The following MTCH2 variants were observed in gnomAD, a reference collection of about 807,000 sequenced individuals.
The protein encoded by MTCH2 is mitochondrial carrier 2.
A neutral mutation model predicts 50.6 loss-of-function variants in MTCH2; 25 were observed. The ratio of observed to expected loss-of-function variants is 0.49; its 90% CI spans 0.36 to 0.69. The LOEUF (loss-of-function observed/expected upper bound fraction) is 0.69, where lower values mean the gene tolerates loss of function less well. Ranked by LOEUF, MTCH2 falls within the 30% of genes least tolerant of loss-of-function variation. The probability of loss-of-function intolerance (pLI) is 0.00; values close to 1 mark genes in which losing one functional copy is unlikely to be tolerated. For missense variants in MTCH2, 273 were observed against 384.4 expected, an observed-to-expected ratio of 0.71 and a Z score of 2.42; for synonymous variants, 106 against 132.0, an observed-to-expected ratio of 0.80 and a Z score of 1.35.
At chr11:47,622,290 T>C (rs2097294006) in intron 12 of MTCH2, among the ~76,000 whole-genome samples, 1 of 152,120 alleles carries the variant, frequency 6.6e-6, no homozygotes, top group African/African-American at 2.4e-5. Flanking sequence ...AACAAGACTC[T>C]AGAAGTATAA....
intron 1 of MTCH2, among the ~76,000 whole-genome samples, chr11:47,642,168 C>A (rs2097314844): frequency 2.0e-5 from 3 of 152,122 alleles, no homozygotes; most frequent in Non-Finnish European, 4.4e-5. Context: ...AGGGCCTCAA[C>A]GCTGGGCGGC....
rs577883544 is a variant in MTCH2, at chr11:47,634,103, T to C, written c.369+569A>G. 5.3e-5 allele frequency among the ~76,000 whole-genome samples: 8 copies of C among 152,208 alleles called. No homozygotes were observed. In the South Asian group the frequency reaches 1.7e-3, roughly 32 times the overall value. On this transcript the variant is annotated intron_variant, in intron 5 of 12. Transcript: ENST00000302503. ...TTAATACTTTTTTCTAAAGACAAGG[T>C]CTTGCTCTATCACACAGGCTGGAGT...
At chr11:47,625,781 C>T (rs2097297569) in intron 10 of MTCH2, 40 bp from the exon 11 acceptor site, 12 of 1,525,296 alleles carry the variant, frequency 7.9e-6, no homozygotes, top group Non-Finnish European at 1.1e-5. Context: ...TAGATCATTC[C>T]TAGTCTTTAT....
chr11:47,634,274 C>G (rs1230781439), intron 5 of MTCH2, among the ~76,000 whole-genome samples: 1 of 152,056 alleles, frequency 6.6e-6, no homozygotes, highest in East Asian at 1.9e-4. Flanking sequence ...GAGAGGAAGT[C>G]TCACTATGTT....
At chr11:47,610,187 C>G in the MTCH2 span, among the ~76,000 whole-genome samples, 2 of 152,098 alleles carry the variant, frequency 1.3e-5, no homozygotes, top group African/African-American at 4.8e-5. Flanking sequence ...GTGCCAGTCC[C>G]TGTTCTAGGT....
chr11:47,621,728 C>A (rs1354947021), intron 12 of MTCH2, among the ~76,000 whole-genome samples: 1 of 151,978 alleles, frequency 6.6e-6, no homozygotes, highest in Admixed American at 6.6e-5. Flanking sequence ...AGCCACTGCA[C>A]CTGGCCTGTA....
At chr11:47,640,104 G>A (rs372280280) in intron 1 of MTCH2, among the ~76,000 whole-genome samples, 2 of 151,836 alleles carry the variant, frequency 1.3e-5, no homozygotes, top group Non-Finnish European at 2.9e-5. Flanking sequence ...CAAGGTGGGC[G>A]GATCACCTGA....
the MTCH2 span, among the ~76,000 whole-genome samples, chr11:47,609,344 T>C: frequency 6.7e-6 from 1 of 148,512 alleles, no homozygotes; most frequent in East Asian, 2.0e-4. Context: ...TGATCCCAGC[T>C]ACTCTTGGGA....
intron 6 of MTCH2, among the ~76,000 whole-genome samples, chr11:47,631,404 C>A (rs1032799144): frequency 2.6e-5 from 4 of 151,678 alleles, no homozygotes; most frequent in African/African-American, 9.7e-5. Flanking sequence ...AGTGAAACTC[C>A]GTCTCAAAAA....
At chr11:47,604,469 T>G in the MTCH2 span, among the ~76,000 whole-genome samples, 10 of 152,190 alleles carry the variant, frequency 6.6e-5, no homozygotes, top group Non-Finnish European at 1.3e-4. Context: ...GTGCATGCCC[T>G]TTAAGTCAGT....
chr11:47,614,953 T>C (rs1415608467), downstream of MTCH2, among the ~76,000 whole-genome samples: 1 of 149,928 alleles, frequency 6.7e-6, no homozygotes, highest in Non-Finnish European at 1.5e-5. Flanking sequence ...TGTTAACTGG[T>C]TGTGATCAAC....
rs537394159 is a variant in MTCH2, at chr11:47,618,325, G to A, written c.*508C>T. 1.1e-5 allele frequency: 2 copies of A among 182,006 alleles called. No individual in the cohort carries two copies. Among genetic ancestry groups the A allele is most frequent in the East Asian group, 3.6e-4 (2 of 5,622 alleles). 11.3% of individuals were successfully genotyped at this position (182,006 alleles called of 1,614,324 possible). On this transcript the variant is annotated 3_prime_UTR_variant, in exon 13 of 13. Transcript: ENST00000302503. ...GTACTGTCCTTTTCTTGAAGTATGA[G>A]AGACAAGGTCAATGAAATGTGCTTA...
At chr11:47,606,698 T>A in the MTCH2 span, among the ~76,000 whole-genome samples, 1 of 152,248 alleles carries the variant, frequency 6.6e-6, no homozygotes, top group African/African-American at 2.4e-5. Context: ...ATTCATCCCA[T>A]GCCCACATGC....
chr11:47,631,136 C>A, intron 6 of MTCH2, 49 bp from the exon 7 acceptor site: 2 of 1,487,548 alleles, frequency 1.3e-6, no homozygotes, highest in Non-Finnish European at 1.9e-6. Flanking sequence ...AGGCCAGGTG[C>A]GGTGGCTCAC....
At chr11:47,639,165 G>A in intron 1 of MTCH2, 114 bp from the exon 2 acceptor site, 1 of 897,952 alleles carries the variant, frequency 1.1e-6, no homozygotes, top group South Asian at 1.8e-5. Context: ...AAGTAAAAAT[G>A]CAGCATAGGT....
downstream of MTCH2, among the ~76,000 whole-genome samples, chr11:47,616,547 C>T (rs900395375): frequency 2.0e-5 from 3 of 151,436 alleles, no homozygotes; most frequent in Admixed American, 6.6e-5. Flanking sequence ...GGCTGGTCTC[C>T]AACTCTTGGC....
chr11:47,633,113 G>GA (rs2097304727), intron 5 of MTCH2, among the ~76,000 whole-genome samples: 2 of 56,022 alleles, frequency 3.6e-5, no homozygotes, highest in South Asian at 2.0e-3. Flanking sequence ...ATGTATCCCT[G>GA]CTTTTTTTTT....
At chr11:47,621,714 T>G (rs1006548415) in intron 12 of MTCH2, among the ~76,000 whole-genome samples, 6 of 151,860 alleles carry the variant, frequency 4.0e-5, no homozygotes, top group Non-Finnish European at 5.9e-5. Flanking sequence ...GGATTACACC[T>G]GTGAGCCACT....
intron 9 of MTCH2, 130 bp downstream of exon 9, chr11:47,628,823 C>A: frequency 1.4e-6 from 1 of 698,438 alleles, no homozygotes; most frequent in South Asian, 1.7e-5. Context: ...GGTGATCCGC[C>A]CACATTGGCC....
Sources: gnomAD v4.1 joint callset for allele counts (sites outside exome capture counted in the v4.1 genomes callset) on GRCh38, gnomAD v4.1.1 for gene constraint, MANE v1.5 for transcripts, NCBI Gene and HGNC (gene_info 2026-07-23, HGNC 2026-07-21) for gene names.